The following PCDHGA4 variants were observed in gnomAD, a reference collection of about 807,000 sequenced individuals.
The protein encoded by PCDHGA4 is protocadherin gamma-A4.
Under a neutral mutation model 54.6 loss-of-function variants are expected in PCDHGA4, and 38 were observed. The ratio of observed to expected loss-of-function variants is 0.70; its 90% CI spans 0.54 to 0.91. The LOEUF is 0.91. PCDHGA4 is among the 40% of genes least tolerant of loss of function. The probability of loss-of-function intolerance (pLI) is 0.00; values close to 1 mark genes in which losing one functional copy is unlikely to be tolerated. For synonymous variants in PCDHGA4, 511 were observed against 512.9 expected, an observed-to-expected ratio of 1.00 and a Z score of 0.05; for missense variants, 1,298 against 1,220.9, an observed-to-expected ratio of 1.06 and a Z score of -0.94.
chr5:141,423,082 G>T (rs1390567548), intron 1 of PCDHGA4: 3 of 1,614,078 alleles, frequency 1.9e-6, no homozygotes, highest in Non-Finnish European at 2.5e-6. Context: ...GGGACTCTTC[G>T]CGGTGGGGGA....
chr5:141,508,077 G>T (rs1166570509), intron 3 of PCDHGA4: 1 of 152,446 alleles, frequency 6.6e-6, no homozygotes, highest in Non-Finnish European at 1.5e-5. Context: ...GGCTACTCTG[G>T]AGTTGCTGCC....
At chr5:141,398,775 C>T in intron 1 of PCDHGA4, 1 of 1,613,926 alleles carries the variant, frequency 6.2e-7, no homozygotes, top group African/African-American at 1.3e-5. Flanking sequence ...CTGCCTTGGA[C>T]GGTGGACATC....
At chr5:141,360,065 CT>C in intron 1 of PCDHGA4, 1 of 1,464,436 alleles carries the variant, frequency 6.8e-7, no homozygotes, top group Non-Finnish European at 9.0e-7. Flanking sequence ...GAAAAGTGAC[CT>C]TAGCCCGGAT....
At chr5:141,393,114 C>A (rs750579370) in intron 1 of PCDHGA4, 3 of 1,613,300 alleles carry the variant, frequency 1.9e-6, no homozygotes, top group South Asian at 2.2e-5. Context: ...TCAGAGCCCG[C>A]GGTGTCTGAT....
At chr5:141,389,332 G>A in intron 1 of PCDHGA4, 2 of 1,613,980 alleles carry the variant, frequency 1.2e-6, no homozygotes, top group Non-Finnish European at 8.5e-7. Context: ...GGGCCCAACG[G>A]CCAAGTCTCT....
At chr5:141,456,175 A>G (rs2154565434) in intron 1 of PCDHGA4, among the ~76,000 whole-genome samples, 1 of 151,840 alleles carries the variant, frequency 6.6e-6, no homozygotes, top group East Asian at 1.9e-4. Context: ...GGGATTACAG[A>G]ATAATTTCTT....
rs761590469 is a variant in PCDHGA4, at chr5:141,364,617, G to A, written c.2514+6996G>A. 3.1e-6 allele frequency: 5 copies of A among 1,614,158 alleles called. No individual in the cohort carries two copies. The Admixed American group carries it at 8.3e-5, about 27-fold the overall frequency. The stretch of plus-strand genomic sequence containing the variant: ...GGCAGGATAGACCGGGAGGAGCTCT[G>A]CGCTCAGAGCCCACTGTGTGTGGTG... On this transcript the variant is annotated intron_variant, in intron 1 of 3. Coordinates refer to ENST00000571252, the MANE Select transcript of PCDHGA4 (RefSeq NM_018917.4).
chr5:141,362,432 A>G (rs776686357), intron 1 of PCDHGA4: 16 of 1,613,806 alleles, frequency 9.9e-6, no homozygotes, highest in African/African-American at 2.7e-5. Flanking sequence ...ACAGAGTTCA[A>G]TTTTCTGAAC....
chr5:141,491,148 G>A lies in PCDHGA4; in HGVS notation c.2515-3659G>A. The A allele has an allele frequency of 6.8e-6, 11 of 1,614,140 alleles. No homozygotes were observed. The highest frequency in any genetic ancestry group is 9.3e-6 in the Non-Finnish European group (11 of 1,179,990). The stretch of plus-strand genomic sequence containing the variant: ...TGCGCACAGCCCGGGCCTTACTGGA[G>A]GATGACTCTGACACCCAGCAGGTGG... On this transcript the variant is annotated intron_variant, in intron 1 of 3. Transcript: ENST00000571252. The surrounding 1 kb of genome is among the most constrained non-coding windows in gnomAD (Gnocchi z 6.9).
At chr5:141,436,668 C>CA (rs1159051861) in intron 1 of PCDHGA4, among the ~76,000 whole-genome samples, 1 of 151,748 alleles carries the variant, frequency 6.6e-6, no homozygotes, top group South Asian at 2.1e-4. Flanking sequence ...AGTGGTTGAC[C>CA]AAAAAAAGGA....
chr5:141,408,869 AG>A, intron 1 of PCDHGA4: 1 of 1,613,690 alleles, frequency 6.2e-7, no homozygotes, highest in Non-Finnish European at 8.5e-7. Context: ...CCCACCAAGA[AG>A]TGCCACCGCT....
chr5:141,409,883 C>T lies in PCDHGA4; in HGVS notation c.2514+52262C>T, dbSNP rs530193346. 1.2e-6 allele frequency: 2 copies of T among 1,612,988 alleles called. No individual in the cohort carries two copies. The highest frequency in any genetic ancestry group is 3.3e-5 in the Admixed American group (2 of 59,964). ...GGGAGACCGCAATGACAACGCACCGCGGGTGCTGTACCCAGCTCTGGGTCC... is the reference window on the plus strand; with the variant it reads ...GGGAGACCGCAATGACAACGCACCGTGGGTGCTGTACCCAGCTCTGGGTCC... On this transcript the variant is annotated intron_variant, in intron 1 of 3. Transcript: ENST00000571252.
chr5:141,390,130 C>T lies in PCDHGA4; in HGVS notation c.2514+32509C>T. On this transcript the variant is annotated intron_variant, in intron 1 of 3. Coordinates refer to ENST00000571252, the MANE Select transcript of PCDHGA4 (RefSeq NM_018917.4). Reference sequence around the variant, plus strand: ...TACAGCGAGGGGACTTTGCCTTATTCCTACAATCTATGTGTTGCACATACA... The same window carrying T: ...TACAGCGAGGGGACTTTGCCTTATTTCTACAATCTATGTGTTGCACATACA... 6.2e-7 allele frequency: 1 copy of T among 1,614,034 alleles called. No individual in the cohort carries two copies. Among genetic ancestry groups the T allele is most frequent in the Non-Finnish European group, 8.5e-7 (1 of 1,179,898 alleles).
At position 141,432,117 on chromosome 5, in the gene PCDHGA4, C is replaced by G. The variant is rs761106133; in HGVS notation, c.2515-62690C>G. The G allele has an allele frequency of 6.2e-7, 1 of 1,614,062 alleles. No homozygotes were observed. The highest frequency in any genetic ancestry group is 8.5e-7 in the Non-Finnish European group (1 of 1,180,048). ...ACCAACGACAACCCGCCGGTCTTCC[C>G]TCAGGCCTCCTATTCCGCTTATATC... is the stretch of plus-strand genomic sequence containing the variant. On this transcript the variant is annotated intron_variant, in intron 1 of 3. Transcript: ENST00000571252. The surrounding 1 kb of genome is among the most constrained non-coding windows in gnomAD (Gnocchi z 6.0).
At chr5:141,376,524 C>T (rs1772781654) in intron 1 of PCDHGA4, 1 of 1,613,718 alleles carries the variant, frequency 6.2e-7, no homozygotes, top group Admixed American at 1.7e-5. Flanking sequence ...TTCTTTCCGC[C>T]TAAGCGGGAA....
intron 1 of PCDHGA4, chr5:141,394,523 C>T (rs373702756): frequency 5.0e-6 from 8 of 1,614,234 alleles, no homozygotes; most frequent in Non-Finnish European, 6.8e-6. Context: ...TCCCCACAGA[C>T]GGTTCCACTG....
chr5:141,402,760 G>A (rs2094303871), intron 1 of PCDHGA4, among the ~76,000 whole-genome samples: 1 of 152,176 alleles, frequency 6.6e-6, no homozygotes, highest in African/African-American at 2.4e-5. Flanking sequence ...CGAAAATCAG[G>A]ACTCCATCCG....
intron 1 of PCDHGA4, chr5:141,398,904 C>A (rs1487711986): frequency 3.1e-6 from 5 of 1,613,930 alleles, no homozygotes; most frequent in Non-Finnish European, 3.4e-6. Context: ...CACCAGGCAC[C>A]ACTGTGTTGC....
intron 1 of PCDHGA4, chr5:141,423,735 G>A (rs2096770441): frequency 1.3e-6 from 1 of 777,372 alleles, no homozygotes; most frequent in African/African-American, 2.5e-5. Context: ...TTTTGAGCCT[G>A]TTATGAAAAC....
Sources: allele counts gnomAD v4.1 joint callset (sites outside exome capture counted in the v4.1 genomes callset), GRCh38; gene constraint gnomAD v4.1.1; non-coding constraint Gnocchi (gnomAD v3.1); transcripts MANE v1.5; gene names NCBI Gene and HGNC (gene_info 2026-07-23, HGNC 2026-07-21).